Variants in OXR1 observed in about 807,000 individuals in gnomAD.
The protein encoded by OXR1 is oxidation resistance protein 1.
In OXR1, 41 loss-of-function variants were observed where a neutral mutation model predicts 104.6. The ratio of observed to expected loss-of-function variants is 0.39; its 90% confidence interval spans 0.31 to 0.51. OXR1 has a LOEUF of 0.51. Ranked by LOEUF, OXR1 falls within the 20% of genes least tolerant of loss-of-function variation. OXR1 has a pLI of 0.77. For missense variants in OXR1, 955 were observed against 1,031.9 expected, an observed-to-expected ratio of 0.93 and a Z score of 1.02; for synonymous variants, 348 against 348.4, an observed-to-expected ratio of 1.00 and a Z score of 0.01.
intron 6 of OXR1, among the ~76,000 whole-genome samples, chr8:106,690,754 C>T (rs1426519069): frequency 6.6e-6 from 1 of 151,784 alleles, no homozygotes; most frequent in Non-Finnish European, 1.5e-5. Flanking sequence ...AAATGGCAAT[C>T]ATCGTATATA....
At chr8:106,524,997 G>A (rs1813549207) in intron 3 of OXR1, among the ~76,000 whole-genome samples, 2 of 152,156 alleles carry the variant, frequency 1.3e-5, no homozygotes, top group Non-Finnish European at 2.9e-5. Context: ...TGGCATGTCT[G>A]TCTCCATACT....
chr8:106,580,862 T>G (rs766460150), intron 3 of OXR1: 1 of 359,192 alleles, frequency 2.8e-6, no homozygotes, highest in Non-Finnish European at 3.9e-6. Context: ...TATTTAAATA[T>G]TATCCAGCCT....
intron 2 of OXR1, among the ~76,000 whole-genome samples, chr8:106,470,420 T>A (rs1433093360): frequency 1.5e-5 from 2 of 134,230 alleles, no homozygotes; most frequent in Non-Finnish European, 3.0e-5. Flanking sequence ...CAAGAATAAG[T>A]CCGAGTATTT....
intron 2 of OXR1, among the ~76,000 whole-genome samples, chr8:106,407,326 G>T (rs1230321725): frequency 1.3e-5 from 2 of 152,132 alleles, no homozygotes; most frequent in African/African-American, 4.8e-5. Flanking sequence ...GAATCTGATT[G>T]ATTTTCCCCA....
chr8:106,286,257 A>G lies in OXR1; in HGVS notation c.-139+15890A>G, dbSNP rs1364673890. Reference sequence around the variant, plus strand: ...AATTAGTCAAAACAAAACAAAAAGTAAAAAAGTACATCTAGCCCATTAATC... The same window carrying G: ...AATTAGTCAAAACAAAACAAAAAGTGAAAAAGTACATCTAGCCCATTAATC... On this transcript the variant is annotated intron_variant, in intron 1 of 16. Transcript: ENST00000517566. Among the ~76,000 whole-genome samples the G allele has an allele frequency of 2.0e-5, 3 of 148,796 alleles. No homozygotes were observed. In the East Asian group the frequency reaches 5.8e-4, roughly 29 times the overall value.
intron 3 of OXR1, among the ~76,000 whole-genome samples, chr8:106,536,092 C>G (rs1814500100): frequency 6.6e-6 from 1 of 151,700 alleles, no homozygotes; most frequent in East Asian, 1.9e-4. Context: ...TGGTGGCGGG[C>G]GCCTGTAGTC....
chr8:106,626,225 A>T (rs1822146722), intron 3 of OXR1, among the ~76,000 whole-genome samples: 3 of 151,942 alleles, frequency 2.0e-5, no homozygotes, highest in African/African-American at 4.8e-5. Context: ...AAAAATTTTT[A>T]AAAAGATATT....
intron 3 of OXR1, among the ~76,000 whole-genome samples, chr8:106,553,087 T>A (rs1234527022): frequency 6.6e-6 from 1 of 151,916 alleles, no homozygotes; most frequent in Non-Finnish European, 1.5e-5. Flanking sequence ...AGAAAAAAAA[T>A]TGTAGGCATA....
chr8:106,608,814 T>C (rs926415288), intron 3 of OXR1, among the ~76,000 whole-genome samples: 2 of 152,228 alleles, frequency 1.3e-5, no homozygotes, highest in Non-Finnish European at 2.9e-5. Context: ...AAGCTGCTCA[T>C]TGTGCTTCTC....
chr8:106,663,798 C>G (rs1825999757), intron 3 of OXR1, among the ~76,000 whole-genome samples: 1 of 152,184 alleles, frequency 6.6e-6, no homozygotes, highest in Non-Finnish European at 1.5e-5. Flanking sequence ...CATTGAGAAG[C>G]CATCTCTCTC....
intron 2 of OXR1, among the ~76,000 whole-genome samples, chr8:106,395,858 A>G (rs10087368): frequency 0.64 from 96,692 of 151,658 alleles, 31,032 homozygotes; most frequent in Middle Eastern, 0.67. Flanking sequence ...CTGGGCAGGG[A>G]AGATACAAGA....
chr8:106,549,824 G>A (rs1789968), intron 3 of OXR1, among the ~76,000 whole-genome samples: 11,735 of 152,188 alleles, frequency 0.077, 515 homozygotes, highest in Middle Eastern at 0.099. Context: ...TCTCAGTGGT[G>A]TTACCTTCAT....
intron 2 of OXR1, among the ~76,000 whole-genome samples, chr8:106,412,678 G>T (rs1251846396): frequency 6.6e-6 from 1 of 152,030 alleles, no homozygotes; most frequent in South Asian, 2.1e-4. Flanking sequence ...CAAGTCAGGC[G>T]ATATGCACCT....
At chr8:106,573,633 G>GC (rs1817631900) in intron 3 of OXR1, among the ~76,000 whole-genome samples, 1 of 152,170 alleles carries the variant, frequency 6.6e-6, no homozygotes, top group South Asian at 2.1e-4. Flanking sequence ...TGCTTGAGCA[G>GC]TATTATATTG....
At chr8:106,700,815 A>G (rs888534073) in intron 7 of OXR1, among the ~76,000 whole-genome samples, 6 of 152,206 alleles carry the variant, frequency 3.9e-5, no homozygotes, top group Admixed American at 3.9e-4. Flanking sequence ...CTAATGCAAA[A>G]GTGAAATTTA....
chr8:106,510,016 C>T (rs1406412632), intron 2 of OXR1, among the ~76,000 whole-genome samples: 6 of 152,136 alleles, frequency 3.9e-5, no homozygotes, highest in Non-Finnish European at 8.8e-5. Context: ...AAGTGATCTG[C>T]CCACCTCAGC....
chr8:106,740,670 A>G (rs1834845783), intron 14 of OXR1, among the ~76,000 whole-genome samples, 175 bp downstream of exon 14: 1 of 152,182 alleles, frequency 6.6e-6, no homozygotes, highest in African/African-American at 2.4e-5. Context: ...AGATATGAGC[A>G]TGATGATTAA....
At chr8:106,484,710 A>G (rs986156769) in intron 2 of OXR1, among the ~76,000 whole-genome samples, 2 of 152,058 alleles carry the variant, frequency 1.3e-5, no homozygotes, top group African/African-American at 4.8e-5. Flanking sequence ...ACTCTCATTC[A>G]TTGCTAATGG....
intron 2 of OXR1, among the ~76,000 whole-genome samples, chr8:106,471,794 C>T (rs1451099294): frequency 1.3e-5 from 2 of 151,918 alleles, no homozygotes; most frequent in Non-Finnish European, 2.9e-5. Flanking sequence ...TTTCACGCTA[C>T]GTGCTTTTTT....
Sources: allele counts gnomAD v4.1 joint callset (sites outside exome capture counted in the v4.1 genomes callset), GRCh38; gene constraint gnomAD v4.1.1; transcripts MANE v1.5; gene names NCBI Gene and HGNC (gene_info 2026-07-23, HGNC 2026-07-21).